Variants in EPB41 observed in about 807,000 individuals in gnomAD.
The protein encoded by EPB41 is protein 4.1.
EPB41 carries 65 observed loss-of-function variants against 108.0 expected under a neutral mutation model. The ratio of observed to expected loss-of-function variants is 0.60; its 90% CI spans 0.49 to 0.74. The LOEUF is 0.74. EPB41 is among the 30% of genes least tolerant of loss of function. The pLI, the probability that EPB41 is intolerant of heterozygous loss-of-function variation, is 0.00. For missense variants in EPB41, 875 were observed against 1,037.0 expected (o/e 0.84, Z 2.15); for synonymous variants, 336 against 358.9 (o/e 0.94, Z 0.72).
intron 7 of EPB41, among the ~76,000 whole-genome samples, chr1:29,020,658 C>G (rs1323005152): frequency 6.6e-6 from 1 of 151,772 alleles, no homozygotes; most frequent in Non-Finnish European, 1.5e-5. Context: ...AAATCTGTCT[C>G]TGATTTTTTT....
intron 16 of EPB41, among the ~76,000 whole-genome samples, chr1:29,074,360 A>G (rs1370891629): frequency 6.6e-6 from 1 of 152,148 alleles, no homozygotes; most frequent in Non-Finnish European, 1.5e-5. Flanking sequence ...CATATACTCA[A>G]ATTACACCGT....
intron 12 of EPB41, chr1:29,053,646 G>A (rs1644882707): frequency 1.2e-5 from 3 of 240,776 alleles, no homozygotes; most frequent in African/African-American, 2.3e-5. Flanking sequence ...TGCAAACTCC[G>A]CCTCGTGGGT....
chr1:29,054,000 T>C (rs1454444523), intron 12 of EPB41: 2 of 152,278 alleles, frequency 1.3e-5, no homozygotes, highest in Admixed American at 1.3e-4. Flanking sequence ...TAAAATAAAA[T>C]TTTATTTTCT....
At chr1:29,043,844 G>A (rs954615215) in intron 11 of EPB41, among the ~76,000 whole-genome samples, 3 of 152,220 alleles carry the variant, frequency 2.0e-5, no homozygotes, top group African/African-American at 7.2e-5. Flanking sequence ...CTGGACTTGA[G>A]TGTTGGCAAC....
intron 1 of EPB41, among the ~76,000 whole-genome samples, chr1:28,965,637 A>G (rs920867969): frequency 1.3e-5 from 2 of 152,028 alleles, no homozygotes; most frequent in African/African-American, 4.8e-5. Flanking sequence ...TTAGGTGGGA[A>G]TGGGTAGGAC....
At chr1:28,992,098 A>C (rs1381943798) in intron 2 of EPB41, among the ~76,000 whole-genome samples, 1 of 152,244 alleles carries the variant, frequency 6.6e-6, no homozygotes, top group South Asian at 2.1e-4. Context: ...CAGAGTACTG[A>C]TATGAAAGAC....
intron 2 of EPB41, chr1:28,989,579 T>C: frequency 5.4e-6 from 1 of 184,346 alleles, no homozygotes; most frequent in Non-Finnish European, 1.0e-5. Flanking sequence ...CTATTACTTG[T>C]ATATTCAAAG....
intron 4 of EPB41, among the ~76,000 whole-genome samples, chr1:29,010,426 T>C (rs949581749): frequency 6.6e-5 from 10 of 152,182 alleles, no homozygotes; most frequent in Non-Finnish European, 1.2e-4. Flanking sequence ...AGAGAGGGGC[T>C]CCTGAGGTGC....
chr1:28,998,202 A>C (rs940019056), intron 4 of EPB41, among the ~76,000 whole-genome samples: 14 of 152,212 alleles, frequency 9.2e-5, no homozygotes, highest in African/African-American at 3.4e-4. Context: ...GTGATGCCTT[A>C]GCTGAGAGAG....
chr1:28,938,787 T>C (rs1570994522), intron 1 of EPB41, among the ~76,000 whole-genome samples: 1 of 152,282 alleles, frequency 6.6e-6, no homozygotes, highest in East Asian at 1.9e-4. Context: ...ATTACAGGCA[T>C]GAGCCACCAT....
intron 7 of EPB41, among the ~76,000 whole-genome samples, chr1:29,027,861 G>A (rs185439700): frequency 1.3e-5 from 2 of 152,118 alleles, no homozygotes; most frequent in East Asian, 1.9e-4. Flanking sequence ...TTTCGCTCTT[G>A]TTGCCCAGGC....
chr1:28,949,713 C>G (rs921983758), intron 1 of EPB41, among the ~76,000 whole-genome samples: 1 of 151,824 alleles, frequency 6.6e-6, no homozygotes, highest in South Asian at 2.1e-4. Context: ...AAGCGATTCT[C>G]CTGCCTCAGC....
intron 8 of EPB41, among the ~76,000 whole-genome samples, chr1:29,032,198 A>C (rs1298932601): frequency 2.0e-5 from 3 of 152,148 alleles, no homozygotes; most frequent in African/African-American, 4.8e-5. Context: ...AGATCAGTAC[A>C]TCAGATTAGG....
chr1:28,959,639 G>A (rs1373260915), intron 1 of EPB41, among the ~76,000 whole-genome samples: 2 of 152,126 alleles, frequency 1.3e-5, no homozygotes, highest in African/African-American at 2.4e-5. Context: ...ATTTATAGTC[G>A]AGTGAATTAG....
chr1:28,947,245 TAA>T (rs1192187049), intron 1 of EPB41, among the ~76,000 whole-genome samples: 3 of 151,938 alleles, frequency 2.0e-5, no homozygotes, highest in African/African-American at 7.2e-5. Flanking sequence ...TCAAATCCAC[TAA>T]AAATACAAAA....
At chr1:28,996,601 G>A (rs958812384) in intron 3 of EPB41, among the ~76,000 whole-genome samples, 1 of 152,154 alleles carries the variant, frequency 6.6e-6, no homozygotes, top group African/African-American at 2.4e-5. Context: ...TGATGTGTAG[G>A]ATGGAGATGG....
chr1:29,050,859 G>A (rs973049960), intron 11 of EPB41, among the ~76,000 whole-genome samples: 6 of 151,626 alleles, frequency 4.0e-5, no homozygotes, highest in African/African-American at 1.5e-4. Flanking sequence ...GTATTTTTTA[G>A]TAGAGATGGG....
chr1:29,057,389 A>AAG (rs1325805908), intron 12 of EPB41, among the ~76,000 whole-genome samples: 18 of 150,374 alleles, frequency 1.2e-4, no homozygotes, highest in Non-Finnish European at 2.5e-4. Context: ...AAAAAAAAAA[A>AAG]AAAAAAAGAA....
In EPB41 at chr1:29,047,370, G is replaced by A. The variant is rs538381922; in HGVS notation, c.1637-5734G>A. ...GCCCAAATGATCCTCCCACCTCAGC[G>A]TCCTGAGTAGCTGGTACCACAAGTT... On this transcript the variant is annotated intron_variant, in intron 11 of 20. Transcript: ENST00000343067. Among the ~76,000 whole-genome samples, 58 of 147,148 alleles carry A rather than the reference G, an allele frequency of 3.9e-4. 1 individual carries two copies. In the South Asian group the frequency reaches 0.012, roughly 31 times the overall value.
Sources: allele counts gnomAD v4.1 joint callset (sites outside exome capture counted in the v4.1 genomes callset), GRCh38; gene constraint gnomAD v4.1.1; transcripts MANE v1.5; gene names NCBI Gene and HGNC (gene_info 2026-07-23, HGNC 2026-07-21).